The following SERPINE3 variants were observed in gnomAD, a reference collection of about 807,000 sequenced individuals.
The protein encoded by SERPINE3 is serpin family E member 3.
Under a neutral mutation model 41.7 loss-of-function variants are expected in SERPINE3, and 43 were observed. The ratio of observed to expected loss-of-function variants is 1.03; its 90% CI spans 0.81 to 1.33. The LOEUF (loss-of-function observed/expected upper bound fraction) is 1.33, where lower values mean the gene tolerates loss of function less well. Among genes scored for constraint, SERPINE3 ranks in the 40% most tolerant of loss-of-function variants. SERPINE3 has a pLI of 0.00. For missense variants in SERPINE3, 440 were observed against 491.7 expected, an observed-to-expected ratio of 0.89 and a Z score of 0.99; for synonymous variants, 200 against 192.2, an observed-to-expected ratio of 1.04 and a Z score of -0.34.
At chr13:51,343,561 C>A (rs1457801152) in intron 3 of SERPINE3, among the ~76,000 whole-genome samples, 18 of 152,230 alleles carry the variant, frequency 1.2e-4, no homozygotes, top group Admixed American at 1.2e-3. Flanking sequence ...GCTATCGACT[C>A]CCTCAAATGC....
rs139172077 is a variant in SERPINE3, at chr13:51,358,190, T to C, written c.1000+3047T>C. Among the ~76,000 whole-genome samples the C allele has an allele frequency of 1.4e-3, 213 of 152,198 alleles. 1 individual carries two copies. Among genetic ancestry groups the C allele is most frequent in the African/African-American group, 4.9e-3 (203 of 41,536 alleles). On this transcript the variant is annotated intron_variant, in intron 7 of 9. Coordinates refer to ENST00000681248, the MANE Select transcript of SERPINE3 (RefSeq NM_001386375.1). ...TCTCTAGCCCCCTCTCCCTAACACT[T>C]AGTGTTAGCAACTAAGTGACAAGAT... is the stretch of plus-strand genomic sequence containing the variant.
chr13:51,360,091 ATTCT>A (rs1955545884), intron 7 of SERPINE3, among the ~76,000 whole-genome samples: 1 of 152,080 alleles, frequency 6.6e-6, no homozygotes. Context: ...AATGCCGCAT[ATTCT>A]TTATTTTGGT....
chr13:51,362,136 G>A (rs2408363), intron 9 of SERPINE3: 176,092 of 1,235,454 alleles, frequency 0.14, 13,336 homozygotes, highest in South Asian at 0.17. Flanking sequence ...AGTTAATGTA[G>A]ATTTTTTTTT....
chr13:51,344,550 A>G (rs2137768639), intron 4 of SERPINE3, 65 bp downstream of exon 4: 2 of 1,328,680 alleles, frequency 1.5e-6, no homozygotes, highest in South Asian at 2.5e-5. Context: ...AGTCTCACCC[A>G]TCACTTGTCA....
intron 6 of SERPINE3, chr13:51,354,024 A>G (rs1263753093): frequency 2.0e-5 from 3 of 152,212 alleles, no homozygotes; most frequent in African/African-American, 7.2e-5. Flanking sequence ...CCAAGGCTTT[A>G]AGTTCCATTC....
intron 2 of SERPINE3, 101 bp from the exon 3 acceptor site, chr13:51,340,974 C>A (rs1373546023): frequency 5.9e-6 from 7 of 1,190,182 alleles, no homozygotes; most frequent in African/African-American, 1.5e-5. Context: ...CCGTCCCTAG[C>A]CCCTAAAAAC....
At chr13:51,362,165 A>G (rs1011094258) in intron 9 of SERPINE3, 34 of 832,336 alleles carry the variant, frequency 4.1e-5, no homozygotes, top group African/African-American at 3.3e-4. Flanking sequence ...ATAGGTTTCT[A>G]CTTCTGAAGA....
intron 4 of SERPINE3, 145 bp from the exon 5 acceptor site, chr13:51,346,880 T>C: frequency 1.6e-6 from 1 of 626,200 alleles, no homozygotes; most frequent in South Asian, 1.9e-5. Context: ...AAAAAGATAT[T>C]GTAAGATGAA....
intron 7 of SERPINE3, among the ~76,000 whole-genome samples, chr13:51,358,530 C>T (rs1346224943): frequency 6.6e-6 from 1 of 152,110 alleles, no homozygotes; most frequent in African/African-American, 2.4e-5. Context: ...AAACACCAAT[C>T]AGCATTTCCT....
chr13:51,364,351 A>T lies in SERPINE3; in HGVS notation c.*69A>T. ...ATAATTTCATTTTGCTATACCCTTG[A>T]AATTTAAAAAAATGTCTGATAAAGT... On this transcript the variant is annotated 3_prime_UTR_variant, in exon 10 of 10. Transcript: ENST00000681248. 1 of 821,578 alleles carries T rather than the reference A, an allele frequency of 1.2e-6. No homozygotes were observed. Among genetic ancestry groups the T allele is most frequent in the Non-Finnish European group, 1.8e-6 (1 of 545,986 alleles). 50.9% of individuals were successfully genotyped at this position (821,578 alleles called of 1,614,324 possible).
chr13:51,352,240 C>T (rs1449730066), intron 6 of SERPINE3, among the ~76,000 whole-genome samples: 1 of 152,086 alleles, frequency 6.6e-6, no homozygotes, highest in Non-Finnish European at 1.5e-5. Flanking sequence ...GGGCCATGAA[C>T]TCAGAATATC....
intron 3 of SERPINE3, 110 bp downstream of exon 3, chr13:51,341,457 C>A (rs919293831): frequency 3.7e-6 from 4 of 1,075,844 alleles, no homozygotes; most frequent in Admixed American, 2.2e-5. Context: ...GCTTACCCTG[C>A]TGCTCATACT....
At chr13:51,347,315 C>A in intron 5 of SERPINE3, 81 bp downstream of exon 5, 1 of 1,201,752 alleles carries the variant, frequency 8.3e-7, no homozygotes, top group Non-Finnish European at 1.2e-6. Flanking sequence ...CAGGTCCCTG[C>A]TCCTAAGGGA....
Position 51,361,391 on chromosome 13 carries a change from C to A in SERPINE3, c.1087+27C>A, listed in dbSNP as rs773605495. On this transcript the variant is annotated intron_variant, in intron 8 of 9. Coordinates refer to ENST00000681248, the MANE Select transcript of SERPINE3 (RefSeq NM_001386375.1). ...TATGTTCAGAGAATACCCAGTCACA[C>A]TGCTTACCCATATCTACCTTTCTGA... 5.1e-6 allele frequency: 7 copies of A among 1,380,902 alleles called. No individual in the cohort carries two copies. In the South Asian group the frequency reaches 8.3e-5, roughly 16 times the overall value. The allele number at this position is 1,380,902 out of a possible 1,614,324, so 85.5% of individuals were successfully genotyped here.
chr13:51,351,066 T>C (rs1955398131), intron 6 of SERPINE3, among the ~76,000 whole-genome samples: 1 of 152,196 alleles, frequency 6.6e-6, no homozygotes, highest in Non-Finnish European at 1.5e-5. Context: ...TTTGAGTGCC[T>C]AGACACATTT....
At chr13:51,345,022 C>T (rs967674280) in intron 4 of SERPINE3, among the ~76,000 whole-genome samples, 13 of 152,236 alleles carry the variant, frequency 8.5e-5, no homozygotes, top group African/African-American at 3.1e-4. Context: ...CAGTGTAGCA[C>T]AGCACCTGCA....
intron 6 of SERPINE3, among the ~76,000 whole-genome samples, chr13:51,352,927 C>T (rs1391976161): frequency 6.6e-6 from 1 of 151,868 alleles, no homozygotes; most frequent in African/African-American, 2.4e-5. Flanking sequence ...TATGTTGAAC[C>T]CACTTTGCAT....
chr13:51,355,101 G>A lies in SERPINE3; in HGVS notation c.958G>A (p.Asp320Asn), dbSNP rs574559050. The change falls in exon 7 of 10, where the codon GAT (aspartate) becomes AAT (asparagine). Residue 320 changes from aspartate to asparagine, a missense_variant. Transcript: ENST00000681248. ...CATTTTAAATTCTTGGGGAGTCACC[G>A]ATCTTTTTGATCCACTCAAAGCTAA... ...KSILNSWGVT[D>N]LFDPLKANLK... The A allele has an allele frequency of 2.6e-6, 4 of 1,549,238 alleles. No homozygotes were observed. The highest frequency in any genetic ancestry group is 3.5e-6 in the Non-Finnish European group (4 of 1,142,864).
chr13:51,358,184 A>C (rs566546259), intron 7 of SERPINE3, among the ~76,000 whole-genome samples: 1 of 152,162 alleles, frequency 6.6e-6, no homozygotes, highest in African/African-American at 2.4e-5. Context: ...CCCTCTCCCT[A>C]ACACTTAGTG....
Sources: gnomAD v4.1 joint callset for allele counts (sites outside exome capture counted in the v4.1 genomes callset) on GRCh38, gnomAD v4.1.1 for gene constraint, MANE v1.5 for transcripts, NCBI Gene and HGNC (gene_info 2026-07-23, HGNC 2026-07-21) for gene names.